Variants in TDRD10 observed in about 807,000 individuals in gnomAD.
TDRD10 encodes the protein tudor domain containing 10, also known as tudor domain-containing protein 10.
TDRD10 carries 40 observed loss-of-function variants against 48.0 expected under a neutral mutation model. That is an observed-to-expected ratio of 0.83 (90% CI 0.65 to 1.09). TDRD10 has a LOEUF of 1.09. Among genes scored for constraint, TDRD10 ranks in the 50% least tolerant of loss-of-function variants. TDRD10 has a pLI of 0.00. For synonymous variants in TDRD10, 162 were observed against 170.4 expected, an observed-to-expected ratio of 0.95 and a Z score of 0.38; for missense variants, 378 against 434.7, an observed-to-expected ratio of 0.87 and a Z score of 1.16.
At chr1:154,515,001 G>A (rs991699257) in intron 4 of TDRD10, among the ~76,000 whole-genome samples, 17 of 152,100 alleles carry the variant, frequency 1.1e-4, no homozygotes, top group African/African-American at 4.1e-4. Context: ...CTGTGTAGCT[G>A]AGGTTACAGA....
Position 154,520,179 on chromosome 1 carries a change from A to G in TDRD10, c.142-125A>G, listed in dbSNP as rs879039369. 61 of 698,422 alleles carry G rather than the reference A, an allele frequency of 8.7e-5. No homozygotes were observed. The South Asian group carries it at 1.0e-3, about 12-fold the overall frequency. 43.3% of individuals were successfully genotyped at this position (698,422 alleles called of 1,614,324 possible). A position where few individuals can be genotyped will look rare whatever the true frequency, so the allele number is the denominator to read the frequency against. ...CTACAAAACATGGCACGTACAGCAC[A>G]TAATAGATCCTCATTAAGTATGAGT... is the stretch of plus-strand genomic sequence containing the variant. On this transcript the variant is annotated intron_variant, in intron 4 of 12. Coordinates refer to ENST00000368482, the MANE Select transcript of TDRD10 (RefSeq NM_182499.4).
At chr1:154,533,890 TA>T (rs1377250752) in intron 6 of TDRD10, among the ~76,000 whole-genome samples, 3 of 55,840 alleles carry the variant, frequency 5.4e-5, no homozygotes, top group African/African-American at 8.5e-5. Flanking sequence ...TATATATATA[TA>T]TATTTTTTTT....
intron 6 of TDRD10, among the ~76,000 whole-genome samples, chr1:154,541,304 G>A (rs971467131): frequency 6.6e-6 from 1 of 152,026 alleles, no homozygotes; most frequent in Admixed American, 6.6e-5. Flanking sequence ...GGTTGGTGGT[G>A]GGGGTTGGGA....
At chr1:154,527,685 T>C (rs989144494) in intron 6 of TDRD10, among the ~76,000 whole-genome samples, 1 of 152,108 alleles carries the variant, frequency 6.6e-6, no homozygotes, top group Non-Finnish European at 1.5e-5. Context: ...GACCACCTCT[T>C]TGAAAGTTGA....
intron 6 of TDRD10, 98 bp downstream of exon 6, chr1:154,521,577 TCTGA>T (rs1382688304): frequency 1.4e-6 from 2 of 1,392,566 alleles, no homozygotes; most frequent in South Asian, 1.4e-5. Context: ...TCCAGTCCAG[TCTGA>T]CTGTGGAGAA....
At chr1:154,543,321 T>TA (rs1256833399) in intron 8 of TDRD10, among the ~76,000 whole-genome samples, 1 of 152,096 alleles carries the variant, frequency 6.6e-6, no homozygotes, top group African/African-American at 2.4e-5. Context: ...AGCTTCCACT[T>TA]ATGTACAGCA....
intron 8 of TDRD10, 65 bp downstream of exon 8, chr1:154,542,886 G>A: frequency 7.3e-7 from 1 of 1,369,740 alleles, no homozygotes; most frequent in Non-Finnish European, 1.0e-6. Context: ...GTCCCCCAGA[G>A]AGTGGGGACA....
chr1:154,542,837 A>G lies in TDRD10; in HGVS notation c.503+16A>G, dbSNP rs1349391149. Reference sequence around the variant, plus strand: ...TGGAAATGAGGTGAGCAAGGTATAGAAAGACCACCAGGGCAAATGGCGATT... The same window carrying G: ...TGGAAATGAGGTGAGCAAGGTATAGGAAGACCACCAGGGCAAATGGCGATT... On this transcript the variant is annotated intron_variant, in intron 8 of 12. Coordinates refer to ENST00000368482, the MANE Select transcript of TDRD10 (RefSeq NM_182499.4). 1.9e-6 allele frequency: 3 copies of G among 1,605,860 alleles called. No individual in the cohort carries two copies. Among genetic ancestry groups the G allele is most frequent in the Admixed American group, 3.3e-5 (2 of 59,938 alleles).
chr1:154,512,314 T>C (rs1693528335), intron 4 of TDRD10, among the ~76,000 whole-genome samples: 1 of 152,146 alleles, frequency 6.6e-6, no homozygotes, highest in Non-Finnish European at 1.5e-5. Flanking sequence ...GAGTGTGTCT[T>C]AGTACTTTGT....
chr1:154,512,653 T>C (rs1277568366), intron 4 of TDRD10, among the ~76,000 whole-genome samples: 1 of 152,124 alleles, frequency 6.6e-6, no homozygotes, highest in Non-Finnish European at 1.5e-5. Flanking sequence ...GACTTTTTCC[T>C]CTTTTAAGAT....
At chr1:154,513,531 T>C (rs1355378861) in intron 4 of TDRD10, among the ~76,000 whole-genome samples, 1 of 152,214 alleles carries the variant, frequency 6.6e-6, no homozygotes. Flanking sequence ...AGGTAAAGTA[T>C]TGATGGGCAG....
chr1:154,526,417 A>ATT (rs58821375), intron 6 of TDRD10, among the ~76,000 whole-genome samples: 2 of 133,156 alleles, frequency 1.5e-5, no homozygotes, highest in African/African-American at 5.5e-5. Flanking sequence ...ACTTTCACAG[A>ATT]TTTTTTTTTT....
At position 154,519,837 on chromosome 1, in the gene TDRD10, G is replaced by A. The variant is rs188466932; in HGVS notation, c.142-467G>A. Among the ~76,000 whole-genome samples the A allele has an allele frequency of 3.6e-3, 544 of 152,288 alleles. 3 individuals carry two copies. Among genetic ancestry groups the A allele is most frequent in the African/African-American group, 0.012 (518 of 41,558 alleles). On this transcript the variant is annotated intron_variant, in intron 4 of 12. Transcript: ENST00000368482. ...ATGGGGTGAGGAAGACGGCCTGAGG[G>A]CAGACTAGGAGAGGAGAAGGGTGTG...
chr1:154,506,792 T>G, intron 1 of TDRD10, 85 bp from the exon 2 acceptor site: 3 of 1,220,470 alleles, frequency 2.5e-6, no homozygotes, highest in South Asian at 2.4e-5. Context: ...GAGGCATTAT[T>G]CTGCTTACCA....
chr1:154,523,115 A>G (rs1694142692), intron 6 of TDRD10, among the ~76,000 whole-genome samples: 1 of 152,184 alleles, frequency 6.6e-6, no homozygotes, highest in South Asian at 2.1e-4. Context: ...CACGTTGACC[A>G]GGCTGATCTC....
Position 154,520,359 on chromosome 1 carries a change from A to G in TDRD10, c.197A>G (p.Gln66Arg). 1 of 1,613,672 alleles carries G rather than the reference A, an allele frequency of 6.2e-7. No individual in the cohort carries two copies. Among genetic ancestry groups the G allele is most frequent in the Non-Finnish European group, 8.5e-7 (1 of 1,179,566 alleles). ...DFNPLDVHKI[Q>R]NGCKCFAFVD... Reference sequence around the variant, plus strand: ...AACCCTCTTGATGTCCACAAAATCCAGAATGGCTGCAAATGGTAATGACTG... The same window carrying G: ...AACCCTCTTGATGTCCACAAAATCCGGAATGGCTGCAAATGGTAATGACTG... Residue 66 changes from glutamine to arginine, a missense_variant, in exon 5 of 13, where the codon CAG becomes CGG. By Grantham distance (43) the Gln-to-Arg change is conservative. Coordinates refer to ENST00000368482, the MANE Select transcript of TDRD10 (RefSeq NM_182499.4).
intron 7 of TDRD10, among the ~76,000 whole-genome samples, 161 bp downstream of exon 7, chr1:154,542,227 T>G (rs1454389074): frequency 6.6e-6 from 1 of 152,132 alleles, no homozygotes; most frequent in Non-Finnish European, 1.5e-5. Context: ...GCTTGCTTGC[T>G]TGCTTTCATT....
intron 5 of TDRD10, among the ~76,000 whole-genome samples, chr1:154,520,733 G>A (rs967535080): frequency 6.6e-6 from 1 of 152,132 alleles, no homozygotes; most frequent in Non-Finnish European, 1.5e-5. Context: ...GCAGTAAAAA[G>A]TGCTTTGAAC....
intron 4 of TDRD10, among the ~76,000 whole-genome samples, chr1:154,513,281 G>GTT (rs1347407820): frequency 2.0e-5 from 3 of 152,084 alleles, no homozygotes; most frequent in Non-Finnish European, 4.4e-5. Flanking sequence ...GAAAGATAAT[G>GTT]GTTCATTAAC....
Sources: gnomAD v4.1 joint callset for allele counts (sites outside exome capture counted in the v4.1 genomes callset) on GRCh38, gnomAD v4.1.1 for gene constraint, MANE v1.5 for transcripts, NCBI Gene and HGNC (gene_info 2026-07-23, HGNC 2026-07-21) for gene names.